The following MARCHF6 variants were observed in gnomAD, a reference collection of about 807,000 sequenced individuals.
MARCHF6 encodes the protein E3 ubiquitin-protein ligase MARCHF6.
Under a neutral mutation model 133.7 loss-of-function variants are expected in MARCHF6, and 31 were observed. The observed-to-expected ratio is 0.23, with a 90% CI of 0.17 to 0.31. The LOEUF (loss-of-function observed/expected upper bound fraction) is 0.31. Among genes scored for constraint, MARCHF6 ranks in the 10% least tolerant of loss-of-function variants. The pLI is 1.00. For synonymous variants in MARCHF6, 395 were observed against 402.5 expected (o/e 0.98, Z 0.22); for missense variants, 723 against 1,121.6 (o/e 0.64, Z 5.08).
chr5:10,403,432 A>T lies in MARCHF6; in HGVS notation c.1223A>T (p.Asp408Val), dbSNP rs1352975971. 1.2e-6 allele frequency: 2 copies of T among 1,613,886 alleles called. No homozygotes were observed. Among genetic ancestry groups the T allele is most frequent in the South Asian group, 2.2e-5 (2 of 91,048 alleles). ...SLEMFDATLK[D>V]RELSFQSAPG... is the part of the protein sequence containing the mutation. ...GAAATGTTTGATGCTACTCTGAAAG[A>T]TCGAGAACTGAGCTTTCAGTCGGCT... Residue 408 changes from aspartate (D) to valine (V), a missense_variant, in exon 15 of 26, where the codon GAT (aspartate) becomes GTT (valine). Asp to Val is a radical substitution (Grantham distance 152). Coordinates refer to ENST00000274140, the MANE Select transcript of MARCHF6 (RefSeq NM_005885.4).
At chr5:10,391,317 C>G (rs770429253) in intron 6 of MARCHF6, among the ~76,000 whole-genome samples, 6 of 151,514 alleles carry the variant, frequency 4.0e-5, no homozygotes, top group African/African-American at 7.3e-5. Flanking sequence ...AATTTAAGTA[C>G]AGATAGGGTC....
At chr5:10,392,082 C>A (rs1737890733) in intron 7 of MARCHF6, among the ~76,000 whole-genome samples, 1 of 151,942 alleles carries the variant, frequency 6.6e-6, no homozygotes, top group Non-Finnish European at 1.5e-5. Flanking sequence ...CCTCAGCCTC[C>A]CGAGTAGCTG....
At chr5:10,390,554 G>C in intron 6 of MARCHF6, 54 bp downstream of exon 6, 2 of 1,502,366 alleles carry the variant, frequency 1.3e-6, no homozygotes, top group Non-Finnish European at 1.8e-6. Flanking sequence ...GAGAATTATT[G>C]TTTCTCTCTG....
At position 10,403,504 on chromosome 5, in the gene MARCHF6, T is replaced by C; in HGVS notation, c.1295T>C (p.Val432Ala). 1 of 1,613,694 alleles carries C rather than the reference T, an allele frequency of 6.2e-7. No homozygotes were observed. The highest frequency in any genetic ancestry group is 1.1e-5 in the South Asian group (1 of 91,036). The change falls in exon 15 of 26, where the codon GTC becomes GCC. Residue 432 changes from valine to alanine, a missense_variant. Val to Ala is a moderately conservative substitution (Grantham distance 64). Around this residue, in one of 4 missense-constraint regions of MARCHF6, gnomAD observed 492 missense variants for 699.5 expected, o/e 0.70. Transcript: ENST00000274140. ...CATTGGCTAGTGGGAATGGTATATGTCTTCTACTTTGCCTCCTTCATTCTA... is the reference window on the plus strand; with the variant it reads ...CATTGGCTAGTGGGAATGGTATATGCCTTCTACTTTGCCTCCTTCATTCTA... ...FLHWLVGMVY[V>A]FYFASFILLL...
At chr5:10,377,321 T>C (rs1736850081) in intron 1 of MARCHF6, among the ~76,000 whole-genome samples, 2 of 152,136 alleles carry the variant, frequency 1.3e-5, no homozygotes, top group Non-Finnish European at 2.9e-5. Context: ...CCTTGCACTC[T>C]TGTGGGGTGG....
chr5:10,369,946 A>G (rs895260543), intron 1 of MARCHF6, among the ~76,000 whole-genome samples: 1 of 152,098 alleles, frequency 6.6e-6, no homozygotes, highest in Non-Finnish European at 1.5e-5. Flanking sequence ...AAACCGTTAT[A>G]CATACTCACA....
At chr5:10,401,859 T>G (rs1738552887) in intron 11 of MARCHF6, 200 bp from the exon 12 acceptor site, 1 of 548,560 alleles carries the variant, frequency 1.8e-6, no homozygotes, top group Admixed American at 3.3e-5. Context: ...TAATTTTTCT[T>G]CATTTTTTAG....
chr5:10,411,514 C>T lies in MARCHF6; in HGVS notation c.1873C>T (p.Arg625Ter). The T allele has an allele frequency of 6.2e-7, 1 of 1,613,946 alleles. No homozygotes were observed. Among genetic ancestry groups the T allele is most frequent in the Non-Finnish European group, 8.5e-7 (1 of 1,179,898 alleles). Reference protein sequence around the residue: ...GGPVGFQPYRRPLNFPLRIFL... With the variant: ...GGPVGFQPYR ...GCCTGTTGGCTTTCAGCCTTACCGC[C>T]GACCTTTAAATTTTCCACTCAGGGT... is the stretch of plus-strand genomic sequence containing the variant. The change falls in exon 19 of 26, where the codon CGA (arginine) becomes TGA (stop). Residue 625 changes from arginine (R) to a stop codon, truncating the protein, a stop_gained. Coordinates refer to ENST00000274140, the MANE Select transcript of MARCHF6 (RefSeq NM_005885.4). LOFTEE classifies it high-confidence loss of function.
In MARCHF6 at chr5:10,437,371, T is replaced by TGGA. The variant is rs1279191929; in HGVS notation, c.*3689_*3691dup. The TGGA allele has an allele frequency of 1.3e-5, 2 of 152,232 alleles. No homozygotes were observed. The highest frequency in any genetic ancestry group is 4.8e-5 in the African/African-American group (2 of 41,462). 9.4% of individuals were successfully genotyped at this position (152,232 alleles called of 1,614,324 possible). ...AAAGTATTATTAAAAGCCTCATTTG[T>TGGA]GGAGATTCGCTGACTTCCTTGGTTA... On this transcript the variant is annotated 3_prime_UTR_variant, in exon 26 of 26. Transcript: ENST00000274140.
chr5:10,354,062 C>T (rs1280535352), intron 1 of MARCHF6, 145 bp downstream of exon 1: 2 of 764,780 alleles, frequency 2.6e-6, no homozygotes, highest in Non-Finnish European at 3.7e-6. Flanking sequence ...GCCTCTGGGC[C>T]GGGGAGCGGA....
Position 10,435,622 on chromosome 5 carries a change from A to T in MARCHF6, c.*1938A>T, listed in dbSNP as rs2126392355. 5.3e-4 allele frequency: 1 copy of T among 1,874 alleles called. No individual in the cohort carries two copies. Among genetic ancestry groups the T allele is most frequent in the Non-Finnish European group, 1.1e-3 (1 of 932 alleles). The allele number at this position is 1,874 out of a possible 1,614,324, so 0.1% of individuals were successfully genotyped here. ...ACATTATTATTGAATTGAGCATATA[A>T]CTATATAACTATATAACTATATATA... On this transcript the variant is annotated 3_prime_UTR_variant, in exon 26 of 26. Transcript: ENST00000274140.
At chr5:10,375,918 G>A (rs1012146601) in intron 1 of MARCHF6, among the ~76,000 whole-genome samples, 2 of 152,174 alleles carry the variant, frequency 1.3e-5, no homozygotes, top group African/African-American at 4.8e-5. Flanking sequence ...GTGGGGCCTT[G>A]GAGAACTTTT....
intron 1 of MARCHF6, among the ~76,000 whole-genome samples, chr5:10,355,964 A>G (rs1735434456): frequency 6.6e-6 from 1 of 152,212 alleles, no homozygotes; most frequent in Admixed American, 6.5e-5. Flanking sequence ...ATTTTGTTTT[A>G]TGAAATTATT....
chr5:10,385,154 A>G (rs1737391198), intron 4 of MARCHF6, among the ~76,000 whole-genome samples: 1 of 152,210 alleles, frequency 6.6e-6, no homozygotes, highest in Admixed American at 6.5e-5. Flanking sequence ...AGTGGTAGAG[A>G]TCTGAATAGT....
intron 1 of MARCHF6, 33 bp from the exon 2 acceptor site, chr5:10,377,765 A>G (rs1736881096): frequency 6.7e-7 from 1 of 1,484,920 alleles, no homozygotes. Context: ...AGTTATAACC[A>G]AAGGAAATTC....
At chr5:10,363,083 A>G (rs1735924344) in intron 1 of MARCHF6, among the ~76,000 whole-genome samples, 1 of 152,186 alleles carries the variant, frequency 6.6e-6, no homozygotes, top group African/African-American at 2.4e-5. Flanking sequence ...TAAAACTATG[A>G]AACTTCTAGG....
intron 5 of MARCHF6, among the ~76,000 whole-genome samples, chr5:10,389,814 C>T (rs906467772): frequency 6.6e-6 from 1 of 152,162 alleles, no homozygotes; most frequent in Non-Finnish European, 1.5e-5. Context: ...TCTGGAGGAG[C>T]TTCTCCTCTT....
chr5:10,381,703 C>A, intron 3 of MARCHF6, 97 bp from the exon 4 acceptor site: 3 of 926,772 alleles, frequency 3.2e-6, no homozygotes, highest in Non-Finnish European at 4.7e-6. Context: ...AAGCACAAGG[C>A]AAATATTGGA....
At chr5:10,362,798 G>C in intron 1 of MARCHF6, among the ~76,000 whole-genome samples, 1 of 152,066 alleles carries the variant, frequency 6.6e-6, no homozygotes, top group East Asian at 1.9e-4. Context: ...CTGAAAACAT[G>C]GCAGTCACCT....
Sources: allele counts gnomAD v4.1 joint callset (sites outside exome capture counted in the v4.1 genomes callset), GRCh38; gene constraint gnomAD v4.1.1; regional missense constraint gnomAD v4.1.1; transcripts MANE v1.5; gene names NCBI Gene and HGNC (gene_info 2026-07-23, HGNC 2026-07-21).